UBR1: variants seen among roughly 807,000 people sequenced by gnomAD.
The protein encoded by UBR1 is E3 ubiquitin-protein ligase UBR1.
In UBR1, 102 loss-of-function variants were observed where a neutral mutation model predicts 242.1. The observed-to-expected ratio is 0.42, with a 90% confidence interval of 0.36 to 0.50. The LOEUF (loss-of-function observed/expected upper bound fraction) is 0.50, where lower values mean the gene tolerates loss of function less well. UBR1 is among the 20% of genes least tolerant of loss of function. The probability of loss-of-function intolerance (pLI) is 0.01; values close to 1 mark genes in which losing one functional copy is unlikely to be tolerated. For missense variants in UBR1, 1,772 were observed against 2,101.8 expected (o/e 0.84, Z 3.07); for synonymous variants, 675 against 684.8 (o/e 0.99, Z 0.22).
At chr15:43,070,228 A>G (rs2141346348) in intron 5 of UBR1, among the ~76,000 whole-genome samples, 1 of 148,432 alleles carries the variant, frequency 6.7e-6, no homozygotes, top group Non-Finnish European at 1.5e-5. Context: ...TATGGCTACC[A>G]GAAATTGCTG....
chr15:43,032,473 G>A (rs558556643), intron 20 of UBR1, 95 bp downstream of exon 20: 76 of 843,052 alleles, frequency 9.0e-5, no homozygotes, highest in East Asian at 3.8e-4. Flanking sequence ...TGCAGTATAC[G>A]AATAAGGAGT....
chr15:42,946,446 C>T (rs1044220357), intron 46 of UBR1, among the ~76,000 whole-genome samples: 21 of 152,172 alleles, frequency 1.4e-4, no homozygotes, highest in African/African-American at 4.6e-4. Flanking sequence ...TTTTAAACTG[C>T]CAAATTAATG....
At chr15:43,004,397 G>T (rs1038467411) in intron 30 of UBR1, among the ~76,000 whole-genome samples, 4 of 151,466 alleles carry the variant, frequency 2.6e-5, no homozygotes, top group Non-Finnish European at 5.9e-5. Context: ...CCCTGTCCCC[G>T]GTCTCCCTCT....
intron 20 of UBR1, among the ~76,000 whole-genome samples, chr15:43,032,136 G>C (rs777486333): frequency 3.9e-5 from 6 of 152,118 alleles, no homozygotes; most frequent in Non-Finnish European, 8.8e-5. Flanking sequence ...GTATTCAATA[G>C]GTTAGAATAT....
intron 41 of UBR1, 114 bp from the exon 42 acceptor site, chr15:42,964,157 T>G: frequency 2.6e-6 from 2 of 782,672 alleles, no homozygotes; most frequent in Non-Finnish European, 4.3e-6. Context: ...GTAGAGGGTA[T>G]ATTGCTTATT....
intron 42 of UBR1, among the ~76,000 whole-genome samples, chr15:42,961,346 C>T (rs1341223413): frequency 6.6e-6 from 1 of 151,768 alleles, no homozygotes; most frequent in Non-Finnish European, 1.5e-5. Context: ...CTCCTGACCT[C>T]AGGTGATCAG....
At chr15:43,105,439 G>A (rs538940140) in intron 1 of UBR1, among the ~76,000 whole-genome samples, 3 of 152,174 alleles carry the variant, frequency 2.0e-5, no homozygotes, top group Non-Finnish European at 4.4e-5. Context: ...TCCACTGAGG[G>A]TTAGGCCTGG....
At chr15:43,080,842 C>A (rs2033966600) in intron 3 of UBR1, among the ~76,000 whole-genome samples, 2 of 151,998 alleles carry the variant, frequency 1.3e-5, no homozygotes, top group African/African-American at 4.8e-5. Flanking sequence ...TCCCAGCTAC[C>A]TGGGAGGCTG....
chr15:42,973,011 G>A (rs72721507), intron 39 of UBR1, among the ~76,000 whole-genome samples: 16 of 152,246 alleles, frequency 1.1e-4, no homozygotes, highest in Non-Finnish European at 1.8e-4. Flanking sequence ...AGCATTTGGT[G>A]GTGTCAGTGT....
In UBR1 at chr15:43,017,126, G is replaced by A. The variant is rs2141298487; in HGVS notation, c.2996C>T (p.Thr999Ile). The stretch of plus-strand genomic sequence containing the variant: ...ATTCTTAATAGATTCCGATCCTGAT[G>A]TGGTTGCTACAATTAAACAAGATTT... ...REKSCLIVATTSGSESIKNDE... is the reference protein window; with the variant it reads ...REKSCLIVATISGSESIKNDE... Residue 999 changes from threonine to isoleucine, a missense_variant, in exon 28 of 47, where the codon ACA (threonine) becomes ATA (isoleucine). Thr to Ile is a moderately conservative substitution (Grantham distance 89). This residue lies in a region of UBR1 where 965 missense variants were observed against 1,079.7 expected (regional missense o/e 0.89). Transcript: ENST00000290650. The A allele has an allele frequency of 1.2e-6, 2 of 1,613,788 alleles. No homozygotes were observed. Among genetic ancestry groups the A allele is most frequent in the East Asian group, 2.2e-5 (1 of 44,858 alleles).
chr15:43,084,837 T>G (rs1302541238), intron 2 of UBR1, among the ~76,000 whole-genome samples: 1 of 152,216 alleles, frequency 6.6e-6, no homozygotes, highest in Non-Finnish European at 1.5e-5. Flanking sequence ...ATAAACCAGT[T>G]AGGCCTAGAA....
chr15:42,975,271 T>C (rs555909331), intron 39 of UBR1, among the ~76,000 whole-genome samples: 1 of 152,244 alleles, frequency 6.6e-6, no homozygotes, highest in African/African-American at 2.4e-5. Context: ...TACAGAAAAA[T>C]GCTACACTAT....
chr15:42,946,035 AAG>A (rs1400746021), intron 46 of UBR1, among the ~76,000 whole-genome samples: 1 of 152,208 alleles, frequency 6.6e-6, no homozygotes, highest in Non-Finnish European at 1.5e-5. Context: ...AAAATGACTT[AAG>A]TCTGGCTGTT....
At position 43,015,676 on chromosome 15, in the gene UBR1, G is replaced by A. The variant is rs1332647244; in HGVS notation, c.3209+12C>T. On this transcript the variant is annotated intron_variant, in intron 29 of 46. Transcript: ENST00000290650. ...AAATTGAGTTGGTAATTTTTGGTTTGCTTTATTTTACCTCTCTTCCTCCAT... is the reference window on the plus strand; with the variant it reads ...AAATTGAGTTGGTAATTTTTGGTTTACTTTATTTTACCTCTCTTCCTCCAT... 1 of 1,611,906 alleles carries A rather than the reference G, an allele frequency of 6.2e-7. No homozygotes were observed. Among genetic ancestry groups the A allele is most frequent in the African/African-American group, 1.3e-5 (1 of 74,902 alleles).
At chr15:43,086,288 T>C (rs2034035230) in intron 1 of UBR1, 48 bp from the exon 2 acceptor site, 1 of 1,605,530 alleles carries the variant, frequency 6.2e-7, no homozygotes, top group Non-Finnish European at 8.5e-7. Flanking sequence ...AGTTCCTTCT[T>C]AATCATCTAG....
chr15:43,013,682 C>T (rs1008345018), intron 29 of UBR1, among the ~76,000 whole-genome samples: 6 of 152,300 alleles, frequency 3.9e-5, no homozygotes, highest in Non-Finnish European at 2.9e-5. Flanking sequence ...CCTAACTTTA[C>T]TGCACACTCA....
At chr15:43,047,381 A>G in intron 13 of UBR1, 92 bp from the exon 14 acceptor site, 3 of 1,577,606 alleles carry the variant, frequency 1.9e-6, no homozygotes, top group Non-Finnish European at 2.6e-6. Context: ...GATTCATAAC[A>G]TTTTAACATG....
intron 3 of UBR1, among the ~76,000 whole-genome samples, 166 bp from the exon 4 acceptor site, chr15:43,075,255 AAAAC>A (rs898214953): frequency 6.6e-6 from 1 of 152,248 alleles, no homozygotes; most frequent in African/African-American, 2.4e-5. Context: ...AGTTACCTAA[AAAAC>A]AAACCAACAA....
At chr15:43,017,425 CCT>C (rs2033042768) in intron 27 of UBR1, among the ~76,000 whole-genome samples, 1 of 152,114 alleles carries the variant, frequency 6.6e-6, no homozygotes, top group African/African-American at 2.4e-5. Context: ...TGGGGGCATG[CCT>C]CTGTTAGCTT....
Sources: allele counts gnomAD v4.1 joint callset (sites outside exome capture counted in the v4.1 genomes callset), GRCh38; gene constraint gnomAD v4.1.1; regional missense constraint gnomAD v4.1.1; transcripts MANE v1.5; gene names NCBI Gene and HGNC (gene_info 2026-07-23, HGNC 2026-07-21).